Variants in ADGRG4 observed in about 807,000 individuals in gnomAD.
ADGRG4 encodes the protein G protein-coupled receptor 112.
In ADGRG4, 122 loss-of-function variants were observed where a neutral mutation model predicts 126.2. The observed-to-expected ratio is 0.97, with a 90% CI of 0.83 to 1.12. ADGRG4 has a LOEUF of 1.12. Ranked by LOEUF, ADGRG4 falls within the 50% of genes most tolerant of loss-of-function variation. The pLI is 0.00. For synonymous variants in ADGRG4, 943 were observed against 838.7 expected (o/e 1.12, Z -2.15); for missense variants, 2,481 against 2,251.8 (o/e 1.10, Z -2.06).
chrX:136,351,481 C>G lies in ADGRG4; in HGVS notation c.6762C>G (p.Val2254=). ...SFYNVEMSFS[V]FVEEPRIPIT... is the part of the protein sequence containing the mutation. ...ACAATGTTGAAATGAGCTTCTCTGT[C>G]TTTGTTGAAGAGCCAAGGATCCCTA... The change falls in exon 7 of 26, where the codon GTC becomes GTG. Residue 2254 remains valine, a synonymous_variant. Transcript: ENST00000394143. The G allele has an allele frequency of 8.6e-7, 1 of 1,166,018 alleles. No individual in the cohort carries two copies.
At chrX:136,363,955 G>A (rs773099734) in intron 13 of ADGRG4, among the ~76,000 whole-genome samples, 15 of 109,440 alleles carry the variant, frequency 1.4e-4, no homozygotes, top group African/African-American at 2.7e-4. Context: ...GATTACAGGC[G>A]CCCACCACCA....
chrX:136,395,892 T>C (rs2075344439), intron 19 of ADGRG4, among the ~76,000 whole-genome samples: 1 of 112,034 alleles, frequency 8.9e-6, no homozygotes, highest in Admixed American at 9.5e-5. Context: ...TTGCACAACT[T>C]TCAGGCAAAT....
At chrX:136,393,883 A>G (rs1196187174) in intron 18 of ADGRG4, among the ~76,000 whole-genome samples, 1 of 112,069 alleles carries the variant, frequency 8.9e-6, no homozygotes, top group Non-Finnish European at 1.9e-5. Flanking sequence ...CAAGTATCTT[A>G]GGCCCCAAAA....
At position 136,355,529 on chromosome X, in the gene ADGRG4, A is replaced by T. The variant is rs754501354; in HGVS notation, c.6888-597A>T. Among the ~76,000 whole-genome samples, 6 of 111,648 alleles carry T rather than the reference A, an allele frequency of 5.4e-5. No individual in the cohort carries two copies. In the Admixed American group the frequency reaches 5.7e-4, roughly 11 times the overall value. Reference sequence around the variant, plus strand: ...GACCACTGTAAAATCTTAGAGCTTTACAGAAATATATATATATATAACATG... The same window carrying T: ...GACCACTGTAAAATCTTAGAGCTTTTCAGAAATATATATATATATAACATG... On this transcript the variant is annotated intron_variant, in intron 8 of 25. Coordinates refer to ENST00000394143, the MANE Select transcript of ADGRG4 (RefSeq NM_153834.4).
chrX:136,379,740 G>A (rs1312971087), intron 15 of ADGRG4, among the ~76,000 whole-genome samples: 4 of 110,508 alleles, frequency 3.6e-5, no homozygotes, highest in African/African-American at 6.6e-5. Flanking sequence ...GGGGAGGTCA[G>A]CCTCCTCAGT....
chrX:136,389,752 C>T (rs970751822), intron 16 of ADGRG4, among the ~76,000 whole-genome samples: 3 of 111,744 alleles, frequency 2.7e-5, no homozygotes, highest in African/African-American at 9.8e-5. Context: ...GTGTCTTGTA[C>T]GGTGCTGAAT....
chrX:136,345,614 A>G lies in ADGRG4; in HGVS notation c.1908A>G (p.Ser636=). ...RSASTSKAPE[S]GPTSTTDEAA... ...CTTCCACATCCAAGGCACCTGAGTC[A>G]GGTCCCACATCCACAACTGATGAAG... The change falls in exon 6 of 26, where the codon TCA becomes TCG. Residue 636 remains serine, a synonymous_variant. Transcript: ENST00000394143. 1 of 1,211,151 alleles carries G rather than the reference A, an allele frequency of 8.3e-7. No homozygotes were observed. The highest frequency in any genetic ancestry group is 1.1e-6 in the Non-Finnish European group (1 of 895,121).
chrX:136,383,619 G>A (rs1263378697), intron 15 of ADGRG4, among the ~76,000 whole-genome samples: 1 of 110,944 alleles, frequency 9.0e-6, no homozygotes, highest in Non-Finnish European at 1.9e-5. Flanking sequence ...CTTTTAATTG[G>A]AGCGTGTAGT....
intron 13 of ADGRG4, among the ~76,000 whole-genome samples, chrX:136,367,285 G>A (rs752089406): frequency 1.8e-5 from 2 of 111,850 alleles, no homozygotes; most frequent in Admixed American, 1.9e-4. Flanking sequence ...TCCTTGCTGA[G>A]GACTATCTAG....
Position 136,333,053 on chromosome X carries a change from T to C in ADGRG4, c.685+9661T>C, listed in dbSNP as rs193283751. ...TTTTGTCTTTTGTTGCCATTGCTTTTGGTGTTTTAGACCTGAGAAAAACAA... is the reference window on the plus strand; with the variant it reads ...TTTTGTCTTTTGTTGCCATTGCTTTCGGTGTTTTAGACCTGAGAAAAACAA... On this transcript the variant is annotated intron_variant, in intron 5 of 25. Coordinates refer to ENST00000394143, the MANE Select transcript of ADGRG4 (RefSeq NM_153834.4). Among the ~76,000 whole-genome samples, 136 of 111,658 alleles carry C rather than the reference T, an allele frequency of 1.2e-3. 1 individual carries two copies. Among genetic ancestry groups the C allele is most frequent in the African/African-American group, 3.8e-3 (116 of 30,718 alleles).
Position 136,344,859 on chromosome X carries a change from G to T in ADGRG4, c.1153G>T (p.Val385Leu). 2 of 1,209,825 alleles carry T rather than the reference G, an allele frequency of 1.7e-6. No homozygotes were observed. The highest frequency in any genetic ancestry group is 1.1e-6 in the Non-Finnish European group (1 of 893,646). Residue 385 changes from valine (V) to leucine (L), a missense_variant, in exon 6 of 26, where the codon GTA (valine) becomes TTA (leucine). Transcript: ENST00000394143. ...STSRFTKNSV[V>L]STTSAIKSQS... Reference sequence around the variant, plus strand: ...ATCCAGATTTACCAAGAATTCAGTTGTATCTACAACTTCAGCAATTAAATC... The same window carrying T: ...ATCCAGATTTACCAAGAATTCAGTTTTATCTACAACTTCAGCAATTAAATC...
intron 13 of ADGRG4, among the ~76,000 whole-genome samples, chrX:136,366,989 A>T (rs1603297247): frequency 9.0e-6 from 1 of 111,101 alleles, no homozygotes; most frequent in Non-Finnish European, 1.9e-5. Context: ...TAGCACCCTT[A>T]TAAAAGAGGC....
At chrX:136,329,499 A>C (rs2074895306) in intron 5 of ADGRG4, among the ~76,000 whole-genome samples, 1 of 111,813 alleles carries the variant, frequency 8.9e-6, no homozygotes, top group South Asian at 3.8e-4. Context: ...AGCAAGGCTT[A>C]TGCAAATTAT....
rs1304067183 is a variant in ADGRG4, at chrX:136,346,105, C to T, written c.2399C>T (p.Ser800Phe). The change falls in exon 6 of 26, where the codon TCT (serine) becomes TTT (phenylalanine). Residue 800 changes from serine (S) to phenylalanine (F), a missense_variant. Physicochemically the swap from Ser to Phe is radical, Grantham distance 155. Transcript: ENST00000394143. The stretch of plus-strand genomic sequence containing the variant: ...CTTGCTTGCATTCAACCAAATTTTT[C>T]TACTGAGGAAAGTGCTTCTGAGACC... ...STLACIQPNF[S>F]TEESASETTQ... The T allele has an allele frequency of 8.3e-7, 1 of 1,210,257 alleles. No individual in the cohort carries two copies. Among genetic ancestry groups the T allele is most frequent in the Non-Finnish European group, 1.1e-6 (1 of 894,488 alleles).
rs865995725 is a variant in ADGRG4 at position 136,380,925 on chromosome X, C to T, written c.7777-6815C>T. Reference sequence around the variant, plus strand: ...TAAAGACAGGGTCTTTCTTTGTTGCCCACAGTGGTCTCGAACTCCTAGCTT... The same window carrying T: ...TAAAGACAGGGTCTTTCTTTGTTGCTCACAGTGGTCTCGAACTCCTAGCTT... On this transcript the variant is annotated intron_variant, in intron 15 of 25. Coordinates refer to ENST00000394143, the MANE Select transcript of ADGRG4 (RefSeq NM_153834.4). 5.5e-5 allele frequency among the ~76,000 whole-genome samples: 6 copies of T among 108,591 alleles called. No homozygotes were observed. In the South Asian group the frequency reaches 1.2e-3, roughly 22 times the overall value. 94.3% of individuals were successfully genotyped at this position (108,591 alleles called of 115,157 possible). A position where few individuals can be genotyped will look rare whatever the true frequency, so the allele number is the denominator to read the frequency against.
At chrX:136,362,171 C>A (rs1391788820) in intron 12 of ADGRG4, among the ~76,000 whole-genome samples, 1 of 111,294 alleles carries the variant, frequency 9.0e-6, no homozygotes, top group Non-Finnish European at 1.9e-5. Context: ...ATGGTTTATG[C>A]CATTAACTTA....
At chrX:136,359,872 A>G (rs778564365) in intron 11 of ADGRG4, among the ~76,000 whole-genome samples, 11 of 111,823 alleles carry the variant, frequency 9.8e-5, no homozygotes, top group Non-Finnish European at 5.6e-5. Flanking sequence ...GATTTCTCTC[A>G]TGGGGGCATT....
chrX:136,376,639 TATTGTATTGTATTG>T (rs1569331918), intron 15 of ADGRG4, among the ~76,000 whole-genome samples: 39 of 96,016 alleles, frequency 4.1e-4, no homozygotes, highest in Non-Finnish European at 5.2e-4. Flanking sequence ...TATTGTATTG[TATTGTATTGTATTG>T]TATTGTATTG....
intron 3 of ADGRG4, among the ~76,000 whole-genome samples, chrX:136,308,195 C>T (rs747636087): frequency 8.0e-5 from 9 of 112,807 alleles, no homozygotes; most frequent in African/African-American, 2.9e-4. Flanking sequence ...CCTCCGCCTC[C>T]CAGGTCCAAG....
Sources: allele counts gnomAD v4.1 joint callset (sites outside exome capture counted in the v4.1 genomes callset), GRCh38; gene constraint gnomAD v4.1.1; transcripts MANE v1.5; gene names NCBI Gene and HGNC (gene_info 2026-07-23, HGNC 2026-07-21).